Variants in RAB27A observed in about 807,000 individuals in gnomAD.
The protein encoded by RAB27A is ras-related protein Rab-27A.
Under a neutral mutation model 20.8 loss-of-function variants are expected in RAB27A, and 17 were observed. That is an observed-to-expected ratio of 0.82 (90% CI 0.56 to 1.23). The LOEUF is 1.23. Ranked by LOEUF, RAB27A falls within the 50% of genes most tolerant of loss-of-function variation. The pLI, the probability that RAB27A is intolerant of heterozygous loss-of-function variation, is 0.00. For synonymous variants in RAB27A, 85 were observed against 92.8 expected (o/e 0.92, Z 0.48); for missense variants, 277 against 266.7 (o/e 1.04, Z -0.27).
chr15:55,213,187 G>T (rs1437121984), intron 6 of RAB27A, among the ~76,000 whole-genome samples: 1 of 152,130 alleles, frequency 6.6e-6, no homozygotes, highest in South Asian at 2.1e-4. Context: ...TCCTGCAATT[G>T]AATTCAGTAA....
At chr15:55,208,692 T>A (rs1011754614) in intron 6 of RAB27A, among the ~76,000 whole-genome samples, 6 of 152,112 alleles carry the variant, frequency 3.9e-5, no homozygotes, top group African/African-American at 1.2e-4. Flanking sequence ...GTCTCATTGG[T>A]CAAAACTGTA....
chr15:55,253,853 A>T (rs1055666323), intron 2 of RAB27A, among the ~76,000 whole-genome samples: 1 of 152,222 alleles, frequency 6.6e-6, no homozygotes, highest in Admixed American at 6.5e-5. Context: ...GCAAGAGGAT[A>T]AAGGAAATTG....
intron 6 of RAB27A, among the ~76,000 whole-genome samples, chr15:55,215,073 C>A (rs1434298257): frequency 6.6e-6 from 1 of 152,116 alleles, no homozygotes; most frequent in Non-Finnish European, 1.5e-5. Context: ...TCTCCCGCAA[C>A]AGAATAAATT....
chr15:55,303,664 G>C, intron 2 of RAB27A, among the ~76,000 whole-genome samples: 1 of 118,938 alleles, frequency 8.4e-6, no homozygotes, highest in Non-Finnish European at 1.8e-5. Flanking sequence ...GAGGTGGGGG[G>C]GGTCAGCCCC....
At chr15:55,208,411 T>A (rs28673043) in intron 6 of RAB27A, among the ~76,000 whole-genome samples, 1 of 152,150 alleles carries the variant, frequency 6.6e-6, no homozygotes, top group Admixed American at 6.5e-5. Context: ...TAATGCATAA[T>A]GAACACAGAA....
intron 2 of RAB27A, among the ~76,000 whole-genome samples, chr15:55,298,417 G>A (rs542699840): frequency 6.6e-6 from 1 of 152,090 alleles, no homozygotes; most frequent in Non-Finnish European, 1.5e-5. Context: ...AAACCACCAA[G>A]TTTTTATTAG....
rs1440997479 is a variant in RAB27A, at chr15:55,209,943, TAC to T, written c.468-4240_468-4239del. Among the ~76,000 whole-genome samples the T allele has an allele frequency of 3.2e-5, 4 of 123,260 alleles. 2 individuals are homozygous for T. The highest frequency in any genetic ancestry group is 4.8e-4 in the South Asian group (2 of 4,164). The allele number at this position is 123,260 out of a possible 152,430, so 80.9% of individuals were successfully genotyped here. ...ATACACACATATATGTATGTACATG[TAC>T]ACACATACGCATATATGTGCGTATG... On this transcript the variant is annotated intron_variant, in intron 6 of 6. Coordinates refer to ENST00000336787, the MANE Select transcript of RAB27A (RefSeq NM_183235.3).
At chr15:55,293,600 GA>G (rs1195086696), upstream of RAB27A, among the ~76,000 whole-genome samples, 7 of 150,200 alleles carry the variant, frequency 4.7e-5, 1 homozygote, top group South Asian at 1.3e-3. Flanking sequence ...AACCACTACT[GA>G]AAAAAAAAGA....
Position 55,296,153 on chromosome 15 carries a change from C to G in RAB27A, c.-112+17886G>C, listed in dbSNP as rs530806165. 7.3e-5 allele frequency among the ~76,000 whole-genome samples: 11 copies of G among 151,394 alleles called. No individual in the cohort carries two copies. The South Asian group carries it at 1.5e-3, about 20-fold the overall frequency. ...TTGGGATCCAACCACCTTGGCCTCCCAAAGTGCTGGGATTACAGGTGTGAG... is the reference window on the plus strand; with the variant it reads ...TTGGGATCCAACCACCTTGGCCTCCGAAAGTGCTGGGATTACAGGTGTGAG... On this transcript the variant is annotated intron_variant, in intron 2 of 5. Transcript: ENST00000563262.
intron 1 of RAB27A, among the ~76,000 whole-genome samples, chr15:55,272,267 C>T (rs1027504890): frequency 1.2e-4 from 19 of 152,038 alleles, no homozygotes; most frequent in Non-Finnish European, 2.4e-4. Context: ...GGTGTGGTGG[C>T]GGGCGCCTGT....
chr15:55,250,606 T>A (rs1378052316), intron 2 of RAB27A, among the ~76,000 whole-genome samples: 2 of 152,202 alleles, frequency 1.3e-5, no homozygotes, highest in African/African-American at 2.4e-5. Flanking sequence ...AACAGTCAAT[T>A]GAGCAATAAA....
chr15:55,258,745 G>A (rs1442285154), intron 2 of RAB27A, among the ~76,000 whole-genome samples: 2 of 152,186 alleles, frequency 1.3e-5, no homozygotes, highest in African/African-American at 2.4e-5. Context: ...GCTAATGAGT[G>A]TGAGCATCTT....
At chr15:55,205,813 G>T in intron 6 of RAB27A, 108 bp from the exon 7 acceptor site, 4 of 1,064,622 alleles carry the variant, frequency 3.8e-6, no homozygotes, top group Non-Finnish European at 5.8e-6. Context: ...TATACAAGAT[G>T]ACAAACATTT....
chr15:55,218,379 A>G lies in RAB27A; in HGVS notation c.467+5510T>C, dbSNP rs146454679. Among the ~76,000 whole-genome samples, 599 of 152,332 alleles carry G rather than the reference A, an allele frequency of 3.9e-3. 3 individuals carry two copies. Among genetic ancestry groups the G allele is most frequent in the Non-Finnish European group, 6.3e-3 (432 of 68,032 alleles). ...GTTTGACTTATTTGTGTACTTTTCAAACATGCCCAATGCTACATCGCTAAG... is the reference window on the plus strand; with the variant it reads ...GTTTGACTTATTTGTGTACTTTTCAGACATGCCCAATGCTACATCGCTAAG... On this transcript the variant is annotated intron_variant, in intron 6 of 6. Transcript: ENST00000336787.
chr15:55,226,849 CA>C (rs1895821938), intron 5 of RAB27A, among the ~76,000 whole-genome samples: 2 of 111,486 alleles, frequency 1.8e-5, no homozygotes, highest in African/African-American at 7.0e-5. Context: ...GCAAGGGCAA[CA>C]AGAGTAGAAA....
chr15:55,269,250 T>C lies in RAB27A; in HGVS notation c.-23+915A>G, dbSNP rs117423301. On this transcript the variant is annotated intron_variant, in intron 2 of 6. Coordinates refer to ENST00000336787, the MANE Select transcript of RAB27A (RefSeq NM_183235.3). ...AATATCCAGAAGTAGAATTATATAA[T>C]GAAATCTCCCATCACACTCACCACT... 5.7e-3 allele frequency among the ~76,000 whole-genome samples: 865 copies of C among 152,332 alleles called. 2 individuals carry two copies. The highest frequency in any genetic ancestry group is 9.1e-3 in the Non-Finnish European group (620 of 68,034).
rs1383791719 is a variant in RAB27A, at chr15:55,204,008, G to T, written c.*1499C>A. ...TATATTGTGTAGTCGTAAAGTCTGG[G>T]CTTCTAGTGTAACCATCACGCAAAT... On this transcript the variant is annotated 3_prime_UTR_variant, in exon 7 of 7. Coordinates refer to ENST00000336787, the MANE Select transcript of RAB27A (RefSeq NM_183235.3). The T allele has an allele frequency of 1.3e-5, 2 of 152,038 alleles. No individual in the cohort carries two copies. The highest frequency in any genetic ancestry group is 2.9e-5 in the Non-Finnish European group (2 of 67,994). 9.4% of individuals were successfully genotyped at this position (152,038 alleles called of 1,614,324 possible).
chr15:55,318,917 A>C, intron 1 of RAB27A: 1 of 249,988 alleles, frequency 4.0e-6, no homozygotes, highest in Admixed American at 5.2e-5. Flanking sequence ...CGTTTTTAAT[A>C]ACCACTCAGG....
At chr15:55,297,541 G>A (rs930465051) in intron 2 of RAB27A, among the ~76,000 whole-genome samples, 1 of 152,236 alleles carries the variant, frequency 6.6e-6, no homozygotes, top group Non-Finnish European at 1.5e-5. Context: ...AGCACATTCT[G>A]CAGGCCATTC....
Sources: gnomAD v4.1 joint callset for allele counts (sites outside exome capture counted in the v4.1 genomes callset) on GRCh38, gnomAD v4.1.1 for gene constraint, MANE v1.5 for transcripts, NCBI Gene and HGNC (gene_info 2026-07-23, HGNC 2026-07-21) for gene names.